The following XKR6 variants were observed in gnomAD, a reference collection of about 807,000 sequenced individuals.
XKR6 encodes the protein XK related 6, also known as XK-related protein 6.
XKR6 carries 22 observed loss-of-function variants against 56.7 expected under a neutral mutation model. That is an observed-to-expected ratio of 0.39 (90% confidence interval 0.28 to 0.55). The LOEUF is 0.55. XKR6 is among the 20% of genes least tolerant of loss of function. The probability of loss-of-function intolerance (pLI) is 0.66; values close to 1 mark genes in which losing one functional copy is unlikely to be tolerated. For missense variants in XKR6, 852 were observed against 889.0 expected (o/e 0.96, Z 0.53); for synonymous variants, 524 against 387.8 (o/e 1.35, Z -4.13).
intron 1 of XKR6, among the ~76,000 whole-genome samples, chr8:11,100,157 A>G (rs892464274): frequency 2.0e-5 from 3 of 152,078 alleles, no homozygotes; most frequent in Non-Finnish European, 4.4e-5. Flanking sequence ...GACTCAGGCG[A>G]TCCTTCCACT....
chr8:11,113,984 C>A (rs530428884), intron 1 of XKR6: 3 of 355,878 alleles, frequency 8.4e-6, no homozygotes, highest in South Asian at 2.1e-5. Flanking sequence ...ATTTACCATG[C>A]GGGCTGAAGT....
Position 11,200,397 on chromosome 8 carries a change from G to A in XKR6, c.764+179C>T, listed in dbSNP as rs532450119. 6.6e-6 allele frequency among the ~76,000 whole-genome samples: 1 copy of A among 152,364 alleles called. No homozygotes were observed. The highest frequency in any genetic ancestry group is 2.4e-5 in the African/African-American group (1 of 41,600). ...AGGTCTCGGCCTCCCCGGGCCAAAG[G>A]CGTGGCCAGGGATCCAGATCAAACG... On this transcript the variant is annotated intron_variant, in intron 1 of 2. Transcript: ENST00000416569. The surrounding 1 kb of genome is among the most constrained non-coding windows in gnomAD (Gnocchi z 6.4).
chr8:10,964,910 C>T (rs139705932), intron 1 of XKR6, among the ~76,000 whole-genome samples: 4 of 152,366 alleles, frequency 2.6e-5, no homozygotes, highest in East Asian at 1.9e-4. Context: ...CCCCGGCCAG[C>T]GCTCCAGGGC....
intron 1 of XKR6, chr8:11,137,736 T>C (rs778615611): frequency 3.1e-5 from 14 of 456,034 alleles, no homozygotes; most frequent in Admixed American, 7.1e-5. Flanking sequence ...AGAAAACCAG[T>C]TGGCTCTGAA....
At chr8:10,981,421 G>C (rs143246679) in intron 1 of XKR6, among the ~76,000 whole-genome samples, 1 of 152,338 alleles carries the variant, frequency 6.6e-6, no homozygotes, top group Non-Finnish European at 1.5e-5. Flanking sequence ...ACAAGGCTTG[G>C]TGATGATCAG....
intron 1 of XKR6, among the ~76,000 whole-genome samples, chr8:11,016,520 C>A (rs1370838985): frequency 6.6e-6 from 1 of 152,236 alleles, no homozygotes; most frequent in Non-Finnish European, 1.5e-5. Context: ...TTCGCCCACG[C>A]CTTCCCTCCC....
At chr8:11,116,111 G>C (rs751578488) in intron 1 of XKR6, among the ~76,000 whole-genome samples, 5 of 152,196 alleles carry the variant, frequency 3.3e-5, no homozygotes, top group African/African-American at 7.2e-5. Flanking sequence ...TTAAGTTTTA[G>C]ATTTTGCTGC....
intron 1 of XKR6, among the ~76,000 whole-genome samples, chr8:11,168,260 A>C (rs1231945666): frequency 6.6e-6 from 1 of 152,230 alleles, no homozygotes; most frequent in Admixed American, 6.5e-5. Flanking sequence ...GACTTTACAA[A>C]GCAACTTTCT....
At chr8:11,151,313 T>C (rs1325394431) in intron 1 of XKR6, among the ~76,000 whole-genome samples, 1 of 152,200 alleles carries the variant, frequency 6.6e-6, no homozygotes, top group Non-Finnish European at 1.5e-5. Context: ...TGTATACTAA[T>C]AAAAATATAA....
intron 1 of XKR6, among the ~76,000 whole-genome samples, chr8:11,095,022 T>A (rs983879580): frequency 6.6e-6 from 1 of 152,180 alleles, no homozygotes; most frequent in Non-Finnish European, 1.5e-5. Flanking sequence ...ATCCTGCACA[T>A]GTACCTCTGA....
At chr8:10,954,866 C>CTTTTTTTTTTTTTTTTTTTTG (rs34248780) in intron 1 of XKR6, among the ~76,000 whole-genome samples, 1 of 92,794 alleles carries the variant, frequency 1.1e-5, no homozygotes. Flanking sequence ...ACTTCATTCT[C>CTTTTTTTTTTTTTTTTTTTTG]TTTTTTTTTT....
At chr8:11,119,804 C>T (rs922904909) in intron 1 of XKR6, among the ~76,000 whole-genome samples, 9 of 151,962 alleles carry the variant, frequency 5.9e-5, no homozygotes, top group African/African-American at 1.5e-4. Context: ...ACTGGCAAAC[C>T]GAATCCAGCA....
intron 1 of XKR6, among the ~76,000 whole-genome samples, chr8:11,133,495 C>T (rs906079161): frequency 3.3e-5 from 5 of 152,206 alleles, no homozygotes; most frequent in Middle Eastern, 3.4e-3. Context: ...CAAGACCTTT[C>T]GGAGTATGGA....
chr8:10,944,932 G>T (rs1801491332), intron 1 of XKR6, among the ~76,000 whole-genome samples: 1 of 152,182 alleles, frequency 6.6e-6, no homozygotes, highest in South Asian at 2.1e-4. Flanking sequence ...TCTTTCCAGG[G>T]TCCCAGGGGA....
At chr8:11,113,684 A>G (rs1207622190) in intron 1 of XKR6, among the ~76,000 whole-genome samples, 1 of 152,142 alleles carries the variant, frequency 6.6e-6, no homozygotes, top group South Asian at 2.1e-4. Flanking sequence ...TTCAATCTCC[A>G]ACTCCTAATG....
intron 2 of XKR6, among the ~76,000 whole-genome samples, chr8:10,916,001 T>G (rs4841457): frequency 0.52 from 79,220 of 152,178 alleles, 22,117 homozygotes; most frequent in African/African-American, 0.66. Context: ...AGTGGAGCTC[T>G]TGTGCTGGCA....
chr8:10,924,883 C>A, intron 1 of XKR6, 53 bp from the exon 2 acceptor site: 1 of 1,549,772 alleles, frequency 6.5e-7, no homozygotes, highest in Non-Finnish European at 8.8e-7. Flanking sequence ...GCAGGGGCTC[C>A]AGAGGACCCT....
intron 1 of XKR6, among the ~76,000 whole-genome samples, chr8:10,988,880 G>T (rs112220579): frequency 6.6e-6 from 1 of 152,176 alleles, no homozygotes; most frequent in African/African-American, 2.4e-5. Context: ...TTTGCTGTCC[G>T]GTGGCTTGTG....
chr8:10,913,669 C>G (rs1418721546), intron 2 of XKR6, among the ~76,000 whole-genome samples: 2 of 152,202 alleles, frequency 1.3e-5, no homozygotes, highest in Admixed American at 6.5e-5. Context: ...TGCACTCAGC[C>G]GTCGATGCAG....
Sources: gnomAD v4.1 joint callset for allele counts (sites outside exome capture counted in the v4.1 genomes callset) on GRCh38, gnomAD v4.1.1 for gene constraint, Gnocchi (gnomAD v3.1) non-coding constraint, MANE v1.5 for transcripts, NCBI Gene and HGNC (gene_info 2026-07-23, HGNC 2026-07-21) for gene names.